RIGI: variants seen among roughly 807,000 people sequenced by gnomAD.
RIGI encodes the protein antiviral innate immune response receptor RIG-I.
the RIGI span, among the ~76,000 whole-genome samples, chr9:32,517,544 A>AATAAAC: frequency 6.6e-6 from 1 of 152,246 alleles, no homozygotes; most frequent in African/African-American, 2.4e-5. Flanking sequence ...AATTATTGGT[A>AATAAAC]AAATAAAAAT....
At chr9:32,506,983 T>C in the RIGI span, among the ~76,000 whole-genome samples, 1 of 152,254 alleles carries the variant, frequency 6.6e-6, no homozygotes, top group Non-Finnish European at 1.5e-5. Context: ...AAAGTAGCTA[T>C]ACTTGTTTAG....
the RIGI span, among the ~76,000 whole-genome samples, chr9:32,522,845 A>G: frequency 6.6e-6 from 1 of 152,184 alleles, no homozygotes. Flanking sequence ...CCAACACAAT[A>G]GTCCCATATA....
the RIGI span, among the ~76,000 whole-genome samples, chr9:32,466,767 G>A: frequency 6.7e-6 from 1 of 149,686 alleles, no homozygotes; most frequent in Admixed American, 6.6e-5. Context: ...GAAAAACTAG[G>A]AGCCCACCTT....
chr9:32,513,920 G>A, the RIGI span, among the ~76,000 whole-genome samples: 1 of 152,190 alleles, frequency 6.6e-6, no homozygotes, highest in African/African-American at 2.4e-5. Context: ...TGCAGGATAT[G>A]AGCAGACATT....
chr9:32,484,840 G>T, the RIGI span, among the ~76,000 whole-genome samples: 1 of 152,140 alleles, frequency 6.6e-6, no homozygotes, highest in Non-Finnish European at 1.5e-5. Context: ...ATAAATCTGA[G>T]CCAGTAGAGG....
the RIGI span, among the ~76,000 whole-genome samples, chr9:32,522,225 T>C: frequency 6.6e-6 from 1 of 152,212 alleles, no homozygotes; most frequent in Non-Finnish European, 1.5e-5. Context: ...TTTTTGTTTT[T>C]TGGAATCTGG....
chr9:32,509,675 C>T, the RIGI span, among the ~76,000 whole-genome samples: 293 of 152,216 alleles, frequency 1.9e-3, no homozygotes, highest in African/African-American at 6.8e-3. Flanking sequence ...ATGTGATCCT[C>T]TTCTCCTCCA....
the RIGI span, among the ~76,000 whole-genome samples, chr9:32,518,353 A>AT: frequency 3.3e-5 from 5 of 151,082 alleles, no homozygotes; most frequent in South Asian, 4.2e-4. Flanking sequence ...TTATAATGGT[A>AT]TTTTTTTTGT....
At chr9:32,484,239 A>G in the RIGI span, among the ~76,000 whole-genome samples, 103 of 152,306 alleles carry the variant, frequency 6.8e-4, no homozygotes, top group African/African-American at 2.2e-3. Flanking sequence ...CATGAAGACT[A>G]ACTAGTTCAT....
the RIGI span, chr9:32,488,798 C>CAA: frequency 6.2e-7 from 1 of 1,613,068 alleles, no homozygotes; most frequent in Non-Finnish European, 8.5e-7. Flanking sequence ...ATCTGATTCG[C>CAA]AAAAAAGACA....
At chr9:32,485,105 A>G in the RIGI span, 1 of 1,191,108 alleles carries the variant, frequency 8.4e-7, no homozygotes, top group Non-Finnish European at 1.2e-6. Context: ...GGAGAACACA[A>G]AAAGACGATA....
chr9:32,465,210 C>G, the RIGI span, among the ~76,000 whole-genome samples: 1 of 152,202 alleles, frequency 6.6e-6, no homozygotes, highest in African/African-American at 2.4e-5. Flanking sequence ...CAATTCTTCT[C>G]ACTGAAAATG....
At chr9:32,476,769 T>C in the RIGI span, among the ~76,000 whole-genome samples, 1 of 151,870 alleles carries the variant, frequency 6.6e-6, no homozygotes, top group African/African-American at 2.4e-5. Context: ...TAACTGGAAC[T>C]ACAGGTGCAC....
the RIGI span, among the ~76,000 whole-genome samples, chr9:32,486,595 A>G: frequency 3.9e-5 from 6 of 151,908 alleles, no homozygotes; most frequent in Admixed American, 1.3e-4. Context: ...AGTCATGTAT[A>G]TTCCATCACA....
At chr9:32,485,357 AG>A in the RIGI span, 1 of 1,042,366 alleles carries the variant, frequency 9.6e-7, no homozygotes, top group Non-Finnish European at 1.4e-6. Context: ...AGTTCAAAGT[AG>A]GTATCTCTAA....
chr9:32,471,935 T>C, the RIGI span, among the ~76,000 whole-genome samples: 1 of 151,988 alleles, frequency 6.6e-6, no homozygotes, highest in Non-Finnish European at 1.5e-5. Context: ...GGGTGATAAC[T>C]AGGGACTGAC....
chr9:32,509,727 G>A, the RIGI span, among the ~76,000 whole-genome samples: 12 of 152,140 alleles, frequency 7.9e-5, no homozygotes, highest in East Asian at 1.2e-3. Context: ...AAAACTGGAC[G>A]GAGAATGAGT....
chr9:32,503,442 T>C, the RIGI span, among the ~76,000 whole-genome samples: 20,676 of 152,092 alleles, frequency 0.14, 1,482 homozygotes, highest in Middle Eastern at 0.3. Context: ...CTGGGGCCCA[T>C]TGTGATGTCA....
chr9:32,489,701 G>T, the RIGI span, among the ~76,000 whole-genome samples: 1 of 151,584 alleles, frequency 6.6e-6, no homozygotes, highest in Non-Finnish European at 1.5e-5. Flanking sequence ...TACAATCATG[G>T]AAGGCTAACA....
Sources: gnomAD v4.1 joint callset for allele counts (sites outside exome capture counted in the v4.1 genomes callset) on GRCh38, gnomAD v4.1.1 for gene constraint, MANE v1.5 for transcripts, NCBI Gene and HGNC (gene_info 2026-07-23, HGNC 2026-07-21) for gene names.